The following PALS2 variants were observed in gnomAD, a reference collection of about 807,000 sequenced individuals.
PALS2 encodes protein associated with LIN7 2, MAGUK p55 family member, also known as protein PALS2.
In PALS2, 27 loss-of-function variants were observed where a neutral mutation model predicts 61.6. The ratio of observed to expected loss-of-function variants is 0.44; its 90% CI spans 0.32 to 0.60. The LOEUF (loss-of-function observed/expected upper bound fraction) is 0.60. Ranked by LOEUF, PALS2 falls within the 20% of genes least tolerant of loss-of-function variation. The pLI is 0.05. For missense variants in PALS2, 554 were observed against 639.4 expected (o/e 0.87, Z 1.44); for synonymous variants, 236 against 218.6 (o/e 1.08, Z -0.70).
chr7:24,642,124 AAAC>A (rs1232916636), intron 3 of PALS2, among the ~76,000 whole-genome samples: 2 of 152,200 alleles, frequency 1.3e-5, no homozygotes, highest in African/African-American at 2.4e-5. Context: ...CCATTAAAGA[AAAC>A]AACCTTAATT....
intron 6 of PALS2, among the ~76,000 whole-genome samples, chr7:24,664,474 A>G (rs1335601886): frequency 6.6e-6 from 1 of 152,146 alleles, no homozygotes; most frequent in African/African-American, 2.4e-5. Context: ...ATCAAAGCAA[A>G]TGAGAGTTTT....
chr7:24,640,678 TA>T (rs763767307), intron 2 of PALS2, among the ~76,000 whole-genome samples: 8 of 152,216 alleles, frequency 5.3e-5, no homozygotes, highest in Non-Finnish European at 1.0e-4. Context: ...AATTTGAACT[TA>T]ACACTCGGCT....
chr7:24,593,119 G>C (rs375303718), intron 1 of PALS2, among the ~76,000 whole-genome samples: 1 of 152,026 alleles, frequency 6.6e-6, no homozygotes, highest in African/African-American at 2.4e-5. Flanking sequence ...ATTCTTTGTT[G>C]TCATTTCAGC....
chr7:24,600,277 G>A (rs960199126), intron 1 of PALS2, among the ~76,000 whole-genome samples: 11 of 152,036 alleles, frequency 7.2e-5, no homozygotes, highest in Non-Finnish European at 1.5e-4. Context: ...TTATTCAGCT[G>A]CATTATAATC....
chr7:24,587,305 A>C (rs993744907), intron 1 of PALS2, among the ~76,000 whole-genome samples: 2 of 151,912 alleles, frequency 1.3e-5, no homozygotes, highest in African/African-American at 4.8e-5. Context: ...GGAACTTTTA[A>C]ATTATTAAAT....
intron 2 of PALS2, among the ~76,000 whole-genome samples, chr7:24,637,694 C>T (rs1473707808): frequency 6.6e-6 from 1 of 151,970 alleles, no homozygotes; most frequent in Non-Finnish European, 1.5e-5. Context: ...TAGATATAGC[C>T]CACAACTTTT....
At chr7:24,600,266 A>G (rs2128047095) in intron 1 of PALS2, among the ~76,000 whole-genome samples, 1 of 152,278 alleles carries the variant, frequency 6.6e-6, no homozygotes, top group South Asian at 2.1e-4. Flanking sequence ...TCTTGAGAGA[A>G]TTATTCAGCT....
intron 11 of PALS2, among the ~76,000 whole-genome samples, chr7:24,681,241 A>G (rs1787911142): frequency 6.6e-6 from 1 of 151,960 alleles, no homozygotes; most frequent in South Asian, 2.1e-4. Flanking sequence ...TTTTTACTTA[A>G]TGGAAATTCA....
At chr7:24,663,354 C>CA (rs2128086384) in intron 5 of PALS2, 1 of 312,416 alleles carries the variant, frequency 3.2e-6, no homozygotes, top group African/African-American at 2.2e-5. Flanking sequence ...GATTATCAAA[C>CA]TCTTGTTGAT....
intron 3 of PALS2, among the ~76,000 whole-genome samples, chr7:24,649,118 A>G (rs556356500): frequency 6.6e-6 from 1 of 152,166 alleles, no homozygotes; most frequent in African/African-American, 2.4e-5. Flanking sequence ...GCTAATATTT[A>G]TCCATTTTCT....
intron 9 of PALS2, among the ~76,000 whole-genome samples, chr7:24,669,264 A>C (rs1021688811): frequency 4.6e-5 from 7 of 152,230 alleles, no homozygotes; most frequent in Non-Finnish European, 1.0e-4. Flanking sequence ...TGGTCTTTGC[A>C]TTCATTTCTC....
At chr7:24,588,244 A>G (rs577840276) in intron 1 of PALS2, among the ~76,000 whole-genome samples, 2 of 152,258 alleles carry the variant, frequency 1.3e-5, no homozygotes, top group South Asian at 2.1e-4. Flanking sequence ...ACCAGATATC[A>G]TCCTACCAAC....
At chr7:24,678,082 A>G (rs142776157) in intron 9 of PALS2, among the ~76,000 whole-genome samples, 1 of 152,198 alleles carries the variant, frequency 6.6e-6, no homozygotes, top group African/African-American at 2.4e-5. Flanking sequence ...GATACTTCTT[A>G]TATCCGATCC....
rs1017585651 is a variant in PALS2, at chr7:24,596,126, C to G, written c.-3+22533C>G. On this transcript the variant is annotated intron_variant, in intron 1 of 11. Transcript: ENST00000222644. This position sits in a 1 kb window ranked among gnomAD's most constrained non-coding sequence, Gnocchi z 4.5. ...TTGGGTAGTTTTAGCAGGAGAGTAACAAAATCTGTTTTGTGTTTTAAAATG... is the reference window on the plus strand; with the variant it reads ...TTGGGTAGTTTTAGCAGGAGAGTAAGAAAATCTGTTTTGTGTTTTAAAATG... Among the ~76,000 whole-genome samples, 3 of 152,014 alleles carry G rather than the reference C, an allele frequency of 2.0e-5. No individual in the cohort carries two copies. Among genetic ancestry groups the G allele is most frequent in the African/African-American group, 7.2e-5 (3 of 41,414 alleles).
At chr7:24,680,582 G>A in intron 11 of PALS2, 62 bp downstream of exon 11, 2 of 1,515,242 alleles carry the variant, frequency 1.3e-6, no homozygotes, top group Non-Finnish European at 1.8e-6. Flanking sequence ...ATGTTTAACT[G>A]TTATCTAATT....
At chr7:24,582,629 A>G (rs1257165789) in intron 1 of PALS2, among the ~76,000 whole-genome samples, 1 of 152,050 alleles carries the variant, frequency 6.6e-6, no homozygotes, top group Non-Finnish European at 1.5e-5. Context: ...ATTTACTAGA[A>G]TATGTATGTC....
chr7:24,611,884 C>T (rs1446504510), intron 1 of PALS2, among the ~76,000 whole-genome samples: 1 of 151,816 alleles, frequency 6.6e-6, no homozygotes, highest in Non-Finnish European at 1.5e-5. Flanking sequence ...GCCATAAAAT[C>T]ACATTTTAAT....
chr7:24,591,053 A>G (rs921594669), intron 1 of PALS2, among the ~76,000 whole-genome samples: 10 of 151,818 alleles, frequency 6.6e-5, no homozygotes, highest in African/African-American at 2.4e-4. Flanking sequence ...CCCCTCCAGT[A>G]TTAGTGCTGT....
chr7:24,644,707 T>G (rs1785740814), intron 3 of PALS2, among the ~76,000 whole-genome samples: 1 of 152,126 alleles, frequency 6.6e-6, no homozygotes, highest in Admixed American at 6.5e-5. Context: ...TTTTAGCTCT[T>G]TGATGAATCT....
Sources: allele counts gnomAD v4.1 joint callset (sites outside exome capture counted in the v4.1 genomes callset), GRCh38; gene constraint gnomAD v4.1.1; non-coding constraint Gnocchi (gnomAD v3.1); transcripts MANE v1.5; gene names NCBI Gene and HGNC (gene_info 2026-07-23, HGNC 2026-07-21).